Variants in TATDN2 observed in about 807,000 individuals in gnomAD.
The protein encoded by TATDN2 is 3'-5' RNA nuclease TATDN2.
Under a neutral mutation model 60.3 loss-of-function variants are expected in TATDN2, and 44 were observed. That is an observed-to-expected ratio of 0.73 (90% CI 0.57 to 0.94). TATDN2 has a LOEUF of 0.94. TATDN2 is among the 40% of genes least tolerant of loss of function. The pLI, the probability that TATDN2 is intolerant of heterozygous loss-of-function variation, is 0.00. For missense variants in TATDN2, 997 were observed against 948.0 expected, an observed-to-expected ratio of 1.05 and a Z score of -0.68; for synonymous variants, 399 against 355.8, an observed-to-expected ratio of 1.12 and a Z score of -1.37.
At chr3:10,267,862 T>C (rs1285860959) in intron 3 of TATDN2, among the ~76,000 whole-genome samples, 1 of 152,174 alleles carries the variant, frequency 6.6e-6, no homozygotes, top group Non-Finnish European at 1.5e-5. Flanking sequence ...GACTTGTAGT[T>C]CCAATATGTT....
intron 4 of TATDN2, among the ~76,000 whole-genome samples, chr3:10,272,440 A>AT (rs78435606): frequency 0.21 from 30,173 of 142,954 alleles, 4,275 homozygotes; most frequent in East Asian, 0.65. Flanking sequence ...CACCCGGCTA[A>AT]TTTTTTTTTT....
chr3:10,260,316 G>A lies in TATDN2; in HGVS notation c.594G>A (p.Ser198=), dbSNP rs376639930. 162 of 1,614,086 alleles carry A rather than the reference G, an allele frequency of 1.0e-4. No individual in the cohort carries two copies. Among genetic ancestry groups the A allele is most frequent in the Non-Finnish European group, 1.3e-4 (157 of 1,180,002 alleles). The stretch of plus-strand genomic sequence containing the variant: ...CTATCCAGGGCATCCTGGGGAAATC[G>A]ATGCCAAAAAGGAAGGGAGAGGCTG... ...LKAIQGILGK[S]MPKRKGEAAT... is the part of the protein sequence containing the mutation. Residue 198 remains serine (S), a synonymous_variant, in exon 3 of 8, where the codon TCG becomes TCA. Transcript: ENST00000448281.
chr3:10,275,608 A>G (rs1038828073), intron 4 of TATDN2, among the ~76,000 whole-genome samples: 6 of 152,012 alleles, frequency 3.9e-5, no homozygotes, highest in African/African-American at 1.4e-4. Context: ...TAGCCAGGCA[A>G]GGTGGTGCCT....
At chr3:10,260,766 A>T in intron 3 of TATDN2, 96 bp downstream of exon 3, 1 of 1,419,968 alleles carries the variant, frequency 7.0e-7, no homozygotes. Flanking sequence ...CTAATTAAAA[A>T]TAGTACTTTA....
Position 10,260,458 on chromosome 3 carries a change from G to A in TATDN2, c.736G>A (p.Ala246Thr), listed in dbSNP as rs1408447599. 1 of 1,614,084 alleles carries A rather than the reference G, an allele frequency of 6.2e-7. No homozygotes were observed. Among genetic ancestry groups the A allele is most frequent in the Non-Finnish European group, 8.5e-7 (1 of 1,179,930 alleles). ...GAARSVTVTA[A>T]QKEKDATPEV... ...AGCCAGGAGTGTCACAGTCACTGCT[G>A]CTCAGAAGGAGAAAGACGCAACCCC... Residue 246 changes from alanine to threonine, a missense_variant, in exon 3 of 8, where the codon GCT (alanine) becomes ACT (threonine). Transcript: ENST00000448281.
Position 10,271,001 on chromosome 3 carries a change from C to T in TATDN2, c.1819C>T (p.Pro607Ser). The T allele has an allele frequency of 6.3e-7, 1 of 1,583,496 alleles. No individual in the cohort carries two copies. The highest frequency in any genetic ancestry group is 8.6e-7 in the Non-Finnish European group (1 of 1,167,750). ...DYSYKCTTPVPEQHKVFERQL... is the reference protein window; with the variant it reads ...DYSYKCTTPVSEQHKVFERQL... Reference sequence around the variant, plus strand: ...CTCTTACAAGTGCACCACGCCTGTCCCAGAACAGCACAAGGTAACAAGGCT... The same window carrying T: ...CTCTTACAAGTGCACCACGCCTGTCTCAGAACAGCACAAGGTAACAAGGCT... The change falls in exon 4 of 8, where the codon CCA becomes TCA. Residue 607 changes from proline (P) to serine (S), a missense_variant. Coordinates refer to ENST00000448281, the MANE Select transcript of TATDN2 (RefSeq NM_014760.4).
In TATDN2 at chr3:10,249,475, G is replaced by C; in HGVS notation, c.275G>C (p.Gly92Ala). ...TTCTCCCCACATTTCTTGGGCCCTGGTGTGGGCGGGGCCGCCTCCAAAGGC... is the reference window on the plus strand; with the variant it reads ...TTCTCCCCACATTTCTTGGGCCCTGCTGTGGGCGGGGCCGCCTCCAAAGGC... ...SSFSPHFLGP[G>A]VGGAASKGCL... The change falls in exon 2 of 8, where the codon GGT (glycine) becomes GCT (alanine). Residue 92 changes from glycine to alanine, a missense_variant. Coordinates refer to ENST00000448281, the MANE Select transcript of TATDN2 (RefSeq NM_014760.4). The C allele has an allele frequency of 6.2e-7, 1 of 1,613,828 alleles. No individual in the cohort carries two copies. The highest frequency in any genetic ancestry group is 8.5e-7 in the Non-Finnish European group (1 of 1,179,942).
chr3:10,249,334 G>A lies in TATDN2; in HGVS notation c.134G>A (p.Arg45His), dbSNP rs1285495924. 5.0e-6 allele frequency: 8 copies of A among 1,611,970 alleles called. No individual in the cohort carries two copies. Among genetic ancestry groups the A allele is most frequent in the Non-Finnish European group, 6.8e-6 (8 of 1,178,718 alleles). Residue 45 changes from arginine (R) to histidine (H), a missense_variant, in exon 2 of 8, where the codon CGT (arginine) becomes CAT (histidine). Physicochemically the swap from Arg to His is conservative, Grantham distance 29. Transcript: ENST00000448281. ...SSRPAQRSASRSGGPSSPKRL... is the reference protein window; with the variant it reads ...SSRPAQRSASHSGGPSSPKRL... Reference sequence around the variant, plus strand: ...CGGCCAGCTCAGAGGTCTGCGTCGCGTTCTGGAGGGCCCAGCAGCCCCAAG... The same window carrying A: ...CGGCCAGCTCAGAGGTCTGCGTCGCATTCTGGAGGGCCCAGCAGCCCCAAG...
chr3:10,272,363 T>G (rs1334240666), intron 4 of TATDN2, among the ~76,000 whole-genome samples: 1 of 151,936 alleles, frequency 6.6e-6, no homozygotes, highest in Non-Finnish European at 1.5e-5. Context: ...TACCTCCACC[T>G]CCCCAGTTCA....
chr3:10,269,566 T>C (rs1698526780), intron 3 of TATDN2, among the ~76,000 whole-genome samples: 2 of 151,996 alleles, frequency 1.3e-5, no homozygotes, highest in African/African-American at 4.8e-5. Flanking sequence ...CCAGATGTGG[T>C]GGTGCGTGCC....
intron 2 of TATDN2, among the ~76,000 whole-genome samples, chr3:10,258,353 C>T (rs1386680060): frequency 6.6e-6 from 1 of 152,140 alleles, no homozygotes; most frequent in African/African-American, 2.4e-5. Flanking sequence ...TCTCGGCTTA[C>T]TGCATCCTCC....
intron 3 of TATDN2, 72 bp from the exon 4 acceptor site, chr3:10,270,059 G>T: frequency 1.3e-6 from 2 of 1,537,150 alleles, no homozygotes; most frequent in South Asian, 2.5e-5. Context: ...TTTATGTTCA[G>T]CTGATGACAG....
At chr3:10,275,912 G>C (rs1057029664) in intron 4 of TATDN2, among the ~76,000 whole-genome samples, 1 of 152,216 alleles carries the variant, frequency 6.6e-6, no homozygotes, top group Non-Finnish European at 1.5e-5. Context: ...CTGCATAGGA[G>C]AGGTCTGGAA....
chr3:10,270,096 G>T, intron 3 of TATDN2, 35 bp from the exon 4 acceptor site: 6 of 1,576,542 alleles, frequency 3.8e-6, no homozygotes, highest in Non-Finnish European at 5.2e-6. Context: ...CACATCGGAA[G>T]GCTAACCCAC....
At chr3:10,254,946 C>T (rs542934354) in intron 2 of TATDN2, among the ~76,000 whole-genome samples, 1 of 152,164 alleles carries the variant, frequency 6.6e-6, no homozygotes, top group Admixed American at 6.5e-5. Flanking sequence ...GGTCCTCCAG[C>T]CTAGGAGAGT....
Position 10,270,329 on chromosome 3 carries a change from GC to G in TATDN2, c.1149del (p.Ser384AlafsTer33). 6.2e-7 allele frequency: 1 copy of G among 1,614,078 alleles called. No homozygotes were observed. The highest frequency in any genetic ancestry group is 1.7e-5 in the Admixed American group (1 of 60,010). The part of the protein sequence containing the change: ...HLYSSPWCDY[A>X]SYWTSSPKPS... Reference sequence around the variant, plus strand: ...GTACAGTAGTCCTTGGTGTGACTACGCCAGCTATTGGACCAGCAGCCCCAAG... The same window carrying G: ...GTACAGTAGTCCTTGGTGTGACTACGCAGCTATTGGACCAGCAGCCCCAAG... On this transcript the variant is annotated frameshift_variant, in exon 4 of 8. Transcript: ENST00000448281. LOFTEE classifies it high-confidence loss of function.
At chr3:10,261,655 A>G (rs907171694) in intron 3 of TATDN2, among the ~76,000 whole-genome samples, 1 of 152,206 alleles carries the variant, frequency 6.6e-6, no homozygotes, top group African/African-American at 2.4e-5. Flanking sequence ...GGCATGAGCC[A>G]CTGTGCCAGG....
chr3:10,261,292 G>A (rs1173219617), intron 3 of TATDN2, among the ~76,000 whole-genome samples: 3 of 152,106 alleles, frequency 2.0e-5, no homozygotes, highest in Non-Finnish European at 2.9e-5. Flanking sequence ...AAGAAGGGAA[G>A]GATGTCATTG....
At chr3:10,273,853 C>T (rs1027241455) in intron 4 of TATDN2, among the ~76,000 whole-genome samples, 1 of 152,056 alleles carries the variant, frequency 6.6e-6, no homozygotes, top group African/African-American at 2.4e-5. Flanking sequence ...AGAGTTAGAT[C>T]CTGAATAGTT....
Sources: gnomAD v4.1 joint callset for allele counts (sites outside exome capture counted in the v4.1 genomes callset) on GRCh38, gnomAD v4.1.1 for gene constraint, MANE v1.5 for transcripts, NCBI Gene and HGNC (gene_info 2026-07-23, HGNC 2026-07-21) for gene names.